The following PPP1R9A variants were observed in gnomAD, a reference collection of about 807,000 sequenced individuals.
PPP1R9A encodes the protein neurabin-1.
In PPP1R9A, 59 loss-of-function variants were observed where a neutral mutation model predicts 141.9. That is an observed-to-expected ratio of 0.42 (90% CI 0.34 to 0.52). PPP1R9A has a LOEUF of 0.52. Among genes scored for constraint, PPP1R9A ranks in the 20% least tolerant of loss-of-function variants. PPP1R9A has a pLI of 0.10. For synonymous variants in PPP1R9A, 500 were observed against 569.7 expected (o/e 0.88, Z 1.74); for missense variants, 1,444 against 1,611.9 (o/e 0.90, Z 1.78).
In PPP1R9A at chr7:94,910,852, G is replaced by A. The variant is rs1293645510; in HGVS notation, c.739G>A (p.Asp247Asn). The A allele has an allele frequency of 3.7e-6, 6 of 1,613,758 alleles. No homozygotes were observed. Among genetic ancestry groups the A allele is most frequent in the Non-Finnish European group, 5.1e-6 (6 of 1,180,024 alleles). Residue 247 changes from aspartate to asparagine, a missense_variant, in exon 2 of 20, where the codon GAC (aspartate) becomes AAC (asparagine). Transcript: ENST00000433360. This position sits in a 1 kb window ranked among gnomAD's most constrained non-coding sequence, Gnocchi z 4.5. ...ACCATCTGTTACTGTTACAAATCTT[G>A]ACACATTTGGTCACCTGAAGGATTC... ...NLPSVTVTNL[D>N]TFGHLKDSNS... is the part of the protein sequence containing the mutation.
At chr7:94,909,269 A>G (rs1791181424) in intron 1 of PPP1R9A, among the ~76,000 whole-genome samples, 1 of 152,206 alleles carries the variant, frequency 6.6e-6, no homozygotes, top group Admixed American at 6.5e-5. Context: ...ACTTCCAAAT[A>G]CTTGTTATAA....
chr7:95,074,673 C>T (rs1814571134), intron 2 of PPP1R9A, among the ~76,000 whole-genome samples: 1 of 151,886 alleles, frequency 6.6e-6, no homozygotes, highest in Admixed American at 6.6e-5. Context: ...GGGGTTTCTC[C>T]ATGTTGGTCA....
intron 4 of PPP1R9A, among the ~76,000 whole-genome samples, chr7:95,153,263 T>C (rs1410433204): frequency 1.3e-5 from 2 of 152,182 alleles, no homozygotes; most frequent in Admixed American, 6.5e-5. Context: ...GAGTTGTATA[T>C]TGTAAGCGCT....
chr7:94,999,886 C>T (rs1002911529), intron 2 of PPP1R9A, among the ~76,000 whole-genome samples: 19 of 151,754 alleles, frequency 1.3e-4, no homozygotes, highest in Non-Finnish European at 1.8e-4. Context: ...TTGGCAACCT[C>T]GGACTGCCGG....
At chr7:95,157,567 G>A (rs1440464166) in intron 4 of PPP1R9A, among the ~76,000 whole-genome samples, 2 of 152,138 alleles carry the variant, frequency 1.3e-5, no homozygotes, top group Non-Finnish European at 2.9e-5. Context: ...ATGTATCCTC[G>A]GCAGCACCTC....
In PPP1R9A at chr7:95,288,673, C is replaced by T. The variant is rs143809438; in HGVS notation, c.3867C>T (p.Asn1289=). ...ATGTATCTGAATTCAGTGCCCAAAA[C>T]ATCACTGGAGAACAGCTCCTGCAGT... ...EQYVSEFSAQ[N]ITGEQLLQLD... Residue 1289 remains asparagine (N), a synonymous_variant, in exon 19 of 20, where the codon AAC becomes AAT. Transcript: ENST00000433360. 4 of 1,614,060 alleles carry T rather than the reference C, an allele frequency of 2.5e-6. No individual in the cohort carries two copies. The highest frequency in any genetic ancestry group is 1.7e-5 in the Admixed American group (1 of 59,986).
intron 2 of PPP1R9A, among the ~76,000 whole-genome samples, chr7:95,105,264 ATG>A (rs1286975313): frequency 6.6e-6 from 1 of 152,236 alleles, no homozygotes; most frequent in Non-Finnish European, 1.5e-5. Context: ...ACTACTGAAA[ATG>A]TATATAAGAT....
intron 4 of PPP1R9A, among the ~76,000 whole-genome samples, chr7:95,133,410 A>C (rs537046339): frequency 1.0e-3 from 159 of 151,734 alleles, no homozygotes; most frequent in African/African-American, 3.7e-3. Flanking sequence ...CTGCCTGTAT[A>C]CCTAGGATAT....
chr7:95,203,742 G>A lies in PPP1R9A; in HGVS notation c.1956+12G>A, dbSNP rs1790090952. ...ACTATTTTCTTAAGGTTTGTTTTTT[G>A]GTTTAAAGTAATGCTTACCTGTACT... is the stretch of plus-strand genomic sequence containing the variant. On this transcript the variant is annotated intron_variant, in intron 7 of 19. Transcript: ENST00000433360. The A allele has an allele frequency of 3.3e-6, 5 of 1,522,144 alleles. No homozygotes were observed. The East Asian group carries it at 1.2e-4, about 38-fold the overall frequency. 94.3% of individuals were successfully genotyped at this position (1,522,144 alleles called of 1,614,324 possible). A position where few individuals can be genotyped will look rare whatever the true frequency, so the allele number is the denominator to read the frequency against.
chr7:94,930,897 G>A (rs756679375), intron 2 of PPP1R9A, among the ~76,000 whole-genome samples: 4 of 152,186 alleles, frequency 2.6e-5, no homozygotes, highest in African/African-American at 4.8e-5. Context: ...TGGCAGATTT[G>A]GAATCAGAGA....
intron 17 of PPP1R9A, 150 bp downstream of exon 17, chr7:95,284,480 C>T (rs1804906790): frequency 1.2e-6 from 1 of 808,892 alleles, no homozygotes; most frequent in Non-Finnish European, 1.9e-6. Flanking sequence ...TATTTAATCT[C>T]AGTTTGACAG....
At chr7:95,076,556 T>A (rs1013928477) in intron 2 of PPP1R9A, among the ~76,000 whole-genome samples, 2 of 152,158 alleles carry the variant, frequency 1.3e-5, no homozygotes, top group Non-Finnish European at 2.9e-5. Flanking sequence ...TACAAAACTT[T>A]AAATTTTCTC....
intron 2 of PPP1R9A, among the ~76,000 whole-genome samples, chr7:95,104,963 C>G (rs1026529566): frequency 2.5e-5 from 3 of 119,184 alleles, no homozygotes; most frequent in African/African-American, 1.1e-4. Flanking sequence ...TGGCTTATCT[C>G]CAGGAGCACA....
intron 2 of PPP1R9A, among the ~76,000 whole-genome samples, chr7:95,017,598 T>C (rs937595127): frequency 6.6e-6 from 1 of 152,016 alleles, no homozygotes; most frequent in African/African-American, 2.4e-5. Flanking sequence ...GGGTAGAAAC[T>C]GAGAAGCTGA....
chr7:95,149,946 T>A (rs554222470), intron 4 of PPP1R9A, among the ~76,000 whole-genome samples: 1 of 152,050 alleles, frequency 6.6e-6, no homozygotes, highest in African/African-American at 2.4e-5. Flanking sequence ...ATTAGTTGAC[T>A]TCAAGACTTA....
chr7:95,018,023 T>C (rs1805352864), intron 2 of PPP1R9A: 1 of 153,118 alleles, frequency 6.5e-6, no homozygotes, highest in Admixed American at 6.5e-5. Flanking sequence ...GCTTATTATG[T>C]ATGGGTTTTA....
rs867481695 is a variant in PPP1R9A, at chr7:95,161,186, G to T, written c.1650-681G>T. ...TCCACATTCTTCCCAGCATCTGTTT[G>T]TTTTTTTTTTAACTTTTTAGTAATA... On this transcript the variant is annotated intron_variant, in intron 4 of 19. Coordinates refer to ENST00000433360, the MANE Select transcript of PPP1R9A (RefSeq NM_001166160.2). 1.0e-4 allele frequency among the ~76,000 whole-genome samples: 15 copies of T among 147,390 alleles called. No individual in the cohort carries two copies. The Middle Eastern group carries it at 0.011, about 104-fold the overall frequency.
intron 8 of PPP1R9A, among the ~76,000 whole-genome samples, chr7:95,233,374 TG>T (rs1796243750): frequency 1.4e-5 from 2 of 140,052 alleles, no homozygotes; most frequent in South Asian, 2.3e-4. Flanking sequence ...TGTCAGGGGG[TG>T]GGGGGCAAGG....
intron 5 of PPP1R9A, among the ~76,000 whole-genome samples, chr7:95,173,812 CAAT>C (rs1354570221): frequency 6.6e-6 from 1 of 152,078 alleles, no homozygotes; most frequent in Admixed American, 6.6e-5. Flanking sequence ...ATTAAATCCA[CAAT>C]GAGGTTCTAC....
Sources: gnomAD v4.1 joint callset for allele counts (sites outside exome capture counted in the v4.1 genomes callset) on GRCh38, gnomAD v4.1.1 for gene constraint, Gnocchi (gnomAD v3.1) non-coding constraint, MANE v1.5 for transcripts, NCBI Gene and HGNC (gene_info 2026-07-23, HGNC 2026-07-21) for gene names.